Variants in LSAMP observed in about 807,000 individuals in gnomAD.
LSAMP encodes limbic system associated membrane protein, also known as limbic system-associated membrane protein.
LSAMP carries 7 observed loss-of-function variants against 38.6 expected under a neutral mutation model. The ratio of observed to expected loss-of-function variants is 0.18; its 90% CI spans 0.10 to 0.34. The LOEUF (loss-of-function observed/expected upper bound fraction) is 0.34. LSAMP is among the 10% of genes least tolerant of loss of function. The probability of loss-of-function intolerance (pLI) is 1.00; values close to 1 mark genes in which losing one functional copy is unlikely to be tolerated. For missense variants in LSAMP, 313 were observed against 420.0 expected (o/e 0.75, Z 2.23); for synonymous variants, 154 against 166.8 (o/e 0.92, Z 0.59).
chr3:116,158,926 GAAAACAAAAC>G (rs1157933309), intron 1 of LSAMP, among the ~76,000 whole-genome samples: 1 of 151,460 alleles, frequency 6.6e-6, no homozygotes, highest in Non-Finnish European at 1.5e-5. Context: ...AAACAAAACA[GAAAACAAAAC>G]AAAACAAAAC....
chr3:115,972,292 A>G (rs1939043901), intron 3 of LSAMP, among the ~76,000 whole-genome samples: 1 of 152,098 alleles, frequency 6.6e-6, no homozygotes, highest in Admixed American at 6.5e-5. Context: ...AAAGTAAATT[A>G]TCTGCTTCTA....
chr3:116,230,004 G>GTGCT (rs1171514914), intron 1 of LSAMP, among the ~76,000 whole-genome samples: 2 of 152,270 alleles, frequency 1.3e-5, no homozygotes, highest in Non-Finnish European at 2.9e-5. Context: ...AATGATTACT[G>GTGCT]TGCTGTAAGC....
intron 1 of LSAMP, among the ~76,000 whole-genome samples, chr3:116,430,596 C>T (rs1399188841): frequency 6.6e-6 from 1 of 152,034 alleles, no homozygotes; most frequent in Non-Finnish European, 1.5e-5. Flanking sequence ...ATAAATACAC[C>T]TATATCCAAA....
In LSAMP at chr3:115,899,706, A is replaced by G. The variant is rs557410127; in HGVS notation, c.515-47089T>C. The stretch of plus-strand genomic sequence containing the variant: ...TTAGAATGATTTTGTATCTAACTCT[A>G]TACATAGTCCAAACATCAACTTTGC... On this transcript the variant is annotated intron_variant, in intron 3 of 6. Coordinates refer to ENST00000490035, the MANE Select transcript of LSAMP (RefSeq NM_002338.5). Among the ~76,000 whole-genome samples, 22 of 152,300 alleles carry G rather than the reference A, an allele frequency of 1.4e-4. 1 individual carries two copies. Among genetic ancestry groups the G allele is most frequent in the African/African-American group, 5.3e-4 (22 of 41,576 alleles).
chr3:116,384,370 G>C (rs189165297), intron 1 of LSAMP, among the ~76,000 whole-genome samples: 1 of 152,136 alleles, frequency 6.6e-6, no homozygotes, highest in African/African-American at 2.4e-5. Flanking sequence ...TGTACATTAG[G>C]ATCACCTAAA....
intron 1 of LSAMP, among the ~76,000 whole-genome samples, chr3:116,180,572 T>C (rs1433006664): frequency 1.3e-5 from 2 of 152,140 alleles, no homozygotes; most frequent in South Asian, 4.1e-4. Context: ...TATGATGTAA[T>C]AAATTGCTCT....
At chr3:116,256,378 A>C (rs1279784977) in intron 1 of LSAMP, among the ~76,000 whole-genome samples, 2 of 152,198 alleles carry the variant, frequency 1.3e-5, no homozygotes, top group Non-Finnish European at 1.5e-5. Flanking sequence ...TTTACAAAAT[A>C]CTGAAGAAAA....
At chr3:116,212,021 C>A (rs1201214816) in intron 1 of LSAMP, among the ~76,000 whole-genome samples, 2 of 152,286 alleles carry the variant, frequency 1.3e-5, no homozygotes, top group East Asian at 3.9e-4. Context: ...CAATTGAGTT[C>A]TTCTTGTGAT....
Position 116,337,639 on chromosome 3 carries a change from C to CATA in LSAMP, c.155+107237_155+107238insTAT. On this transcript the variant is annotated intron_variant, in intron 1 of 6. Transcript: ENST00000490035. The stretch of plus-strand genomic sequence containing the variant: ...CTACCTATAAAAGTCAACCACTTAA[C>CATA]AACATCAAACTTCAAAAGACCCTCT... 3.9e-5 allele frequency among the ~76,000 whole-genome samples: 6 copies of CATA among 152,142 alleles called. 1 individual carries two copies. Among genetic ancestry groups the CATA allele is most frequent in the Admixed American group, 3.9e-4 (6 of 15,240 alleles).
chr3:115,899,960 A>T (rs1936832654), intron 3 of LSAMP, among the ~76,000 whole-genome samples: 1 of 152,186 alleles, frequency 6.6e-6, no homozygotes. Flanking sequence ...TGTGAAGGAA[A>T]AAAGAAGTTG....
intron 1 of LSAMP, among the ~76,000 whole-genome samples, chr3:116,225,716 C>T (rs1338490504): frequency 2.0e-5 from 3 of 151,192 alleles, no homozygotes; most frequent in African/African-American, 7.3e-5. Flanking sequence ...AGTTGTTAAG[C>T]CTAGGAATTG....
chr3:116,086,003 G>T (rs1391752191), intron 2 of LSAMP, among the ~76,000 whole-genome samples: 2 of 152,112 alleles, frequency 1.3e-5, no homozygotes, highest in Non-Finnish European at 2.9e-5. Flanking sequence ...ACTTCATATG[G>T]CCCTAGGCAT....
At chr3:116,319,428 A>G (rs914748386) in intron 1 of LSAMP, among the ~76,000 whole-genome samples, 1 of 152,146 alleles carries the variant, frequency 6.6e-6, no homozygotes, top group Non-Finnish European at 1.5e-5. Context: ...TTAAATCAGC[A>G]CCATCAGCAT....
chr3:116,002,873 T>G (rs1294784760), intron 3 of LSAMP, among the ~76,000 whole-genome samples: 1 of 152,160 alleles, frequency 6.6e-6, no homozygotes, highest in East Asian at 1.9e-4. Flanking sequence ...ACCTGACACA[T>G]CTATTATGAG....
intron 1 of LSAMP, among the ~76,000 whole-genome samples, chr3:116,223,087 A>C (rs1249383324): frequency 1.3e-5 from 2 of 151,838 alleles, no homozygotes; most frequent in Non-Finnish European, 2.9e-5. Context: ...CTAGTGTAAT[A>C]GACACAATGC....
intron 1 of LSAMP, among the ~76,000 whole-genome samples, chr3:116,302,315 G>A (rs1277856843): frequency 9.9e-5 from 15 of 152,162 alleles, no homozygotes; most frequent in East Asian, 5.8e-4. Context: ...ACTCACTGTC[G>A]CTCTGTAAAT....
intron 6 of LSAMP, among the ~76,000 whole-genome samples, chr3:115,828,669 G>C (rs1481939831): frequency 1.4e-4 from 22 of 152,160 alleles, no homozygotes; most frequent in Non-Finnish European, 2.9e-5. Flanking sequence ...CTCTTAGGCA[G>C]CTTTATTCCT....
intron 1 of LSAMP, among the ~76,000 whole-genome samples, chr3:116,260,212 A>C (rs2046806629): frequency 6.6e-6 from 1 of 152,082 alleles, no homozygotes; most frequent in Admixed American, 6.6e-5. Context: ...TTGTATAGTA[A>C]ATTTAACTTT....
intron 1 of LSAMP, among the ~76,000 whole-genome samples, chr3:116,122,959 G>A (rs1708917262): frequency 6.6e-6 from 1 of 152,132 alleles, no homozygotes; most frequent in South Asian, 2.1e-4. Context: ...ATAAATAGCT[G>A]TATAGTGATA....
Sources: gnomAD v4.1 joint callset for allele counts (sites outside exome capture counted in the v4.1 genomes callset) on GRCh38, gnomAD v4.1.1 for gene constraint, MANE v1.5 for transcripts, NCBI Gene and HGNC (gene_info 2026-07-23, HGNC 2026-07-21) for gene names.